The following SRSF11 variants were observed in gnomAD, a reference collection of about 807,000 sequenced individuals.
The protein encoded by SRSF11 is serine and arginine rich splicing factor 11.
Under a neutral mutation model 56.0 loss-of-function variants are expected in SRSF11, and 9 were observed. The ratio of observed to expected loss-of-function variants is 0.16; its 90% confidence interval spans 0.10 to 0.28. SRSF11 has a LOEUF of 0.28. Ranked by LOEUF, SRSF11 falls within the 10% of genes least tolerant of loss-of-function variation. The pLI is 1.00. For missense variants in SRSF11, 421 were observed against 600.7 expected (o/e 0.70, Z 3.13); for synonymous variants, 222 against 215.3 (o/e 1.03, Z -0.27).
chr1:70,236,792 AT>A (rs35602423), intron 5 of SRSF11, among the ~76,000 whole-genome samples: 2,265 of 83,668 alleles, frequency 0.027, 7 homozygotes, highest in African/African-American at 0.039. Flanking sequence ...TATGTCATAA[AT>A]TTTTTTTTTT....
intron 6 of SRSF11, among the ~76,000 whole-genome samples, chr1:70,238,547 T>C (rs1298795335): frequency 1.3e-5 from 2 of 152,248 alleles, no homozygotes; most frequent in South Asian, 4.1e-4. Context: ...GAATTTCTTA[T>C]GTGTAGTTCT....
intron 2 of SRSF11, chr1:70,230,137 A>G: frequency 1.0e-6 from 1 of 984,250 alleles, no homozygotes; most frequent in African/African-American, 1.7e-5. Flanking sequence ...CCTGAACATA[A>G]TACAGTATAT....
chr1:70,234,882 CTA>C, intron 4 of SRSF11, 94 bp downstream of exon 4: 3 of 998,762 alleles, frequency 3.0e-6, no homozygotes, highest in Non-Finnish European at 4.4e-6. Context: ...AAGCTAATGG[CTA>C]TGTTGTAGTA....
chr1:70,232,065 A>G, intron 2 of SRSF11: 2 of 1,531,114 alleles, frequency 1.3e-6, no homozygotes, highest in Non-Finnish European at 8.8e-7. Flanking sequence ...GTAGAGAAAA[A>G]GGAAACAAAT....
chr1:70,209,740 CTTTTTTTTTTTTTTTTTTTTTTT>C lies in SRSF11; in HGVS notation c.-26+3977_-26+3999del, dbSNP rs923729248. On this transcript the variant is annotated intron_variant, in intron 1 of 12. Transcript: ENST00000370950. ...AGCTGGGACTAAAAGCACCTCGCTT[CTTTTTTTTTTTTTTTTTTTTTTT>C]TTTTTTTTTTTTTTTTGTAGAGATG... Among the ~76,000 whole-genome samples, 94 of 27,490 alleles carry C rather than the reference CTTTTTTTTTTTTTTTTTTTTTTT, an allele frequency of 3.4e-3. 1 individual carries two copies. The highest frequency in any genetic ancestry group is 0.011 in the African/African-American group (72 of 6,852). The allele number at this position is 27,490 out of a possible 152,430, so 18.0% of individuals were successfully genotyped here. A position where few individuals can be genotyped will look rare whatever the true frequency, so the allele number is the denominator to read the frequency against.
intron 7 of SRSF11, 104 bp from the exon 8 acceptor site, chr1:70,244,580 A>T: frequency 8.2e-7 from 1 of 1,220,486 alleles, no homozygotes; most frequent in Non-Finnish European, 1.1e-6. Flanking sequence ...TCCCCCATTT[A>T]ATTGTTTAGT....
intron 10 of SRSF11, 126 bp from the exon 11 acceptor site, chr1:70,250,239 C>A (rs1677690817): frequency 6.9e-7 from 1 of 1,455,750 alleles, no homozygotes; most frequent in African/African-American, 1.4e-5. Context: ...AGTTTTGTAG[C>A]CTGTGTTACT....
At chr1:70,236,536 T>A (rs1381043203) in intron 5 of SRSF11, among the ~76,000 whole-genome samples, 2 of 151,970 alleles carry the variant, frequency 1.3e-5, no homozygotes, top group African/African-American at 4.8e-5. Flanking sequence ...TTCACCGTGT[T>A]AGCCAGGATG....
At chr1:70,217,937 T>C (rs1670162578), upstream of SRSF11, among the ~76,000 whole-genome samples, 1 of 152,292 alleles carries the variant, frequency 6.6e-6, no homozygotes, top group Non-Finnish European at 1.5e-5. Context: ...TTTTCTCAAA[T>C]CACATGCTTG....
chr1:70,229,690 C>T (rs1238276523), intron 2 of SRSF11: 8 of 985,078 alleles, frequency 8.1e-6, no homozygotes, highest in Non-Finnish European at 9.6e-6. Context: ...TAGATGCTAT[C>T]TGAAATCTTT....
In SRSF11 at chr1:70,250,024, G is replaced by C; in HGVS notation, c.1095G>C (p.Leu365Phe). Residue 365 changes from leucine (L) to phenylalanine (F), a missense_variant, in exon 10 of 12, where the codon TTG becomes TTC. Leu to Phe is a conservative substitution (Grantham distance 22, BLOSUM62 0). This residue lies in a region of SRSF11 where 253 missense variants were observed against 305.8 expected (regional missense o/e 0.83). Transcript: ENST00000370949. ...AGCCTCGGTCTCCTAAAAGAAAATT[G>C]TCCCGCTCACCATCCCCTAGGAGGT... The part of the protein sequence containing the change: ...PKKPRSPKRK[L>F]SRSPSPRRHK... 1 of 1,613,814 alleles carries C rather than the reference G, an allele frequency of 6.2e-7. No individual in the cohort carries two copies. The highest frequency in any genetic ancestry group is 8.5e-7 in the Non-Finnish European group (1 of 1,179,828).
chr1:70,242,478 T>C (rs547201828), intron 7 of SRSF11, among the ~76,000 whole-genome samples: 1 of 150,996 alleles, frequency 6.6e-6, no homozygotes, highest in Non-Finnish European at 1.5e-5. Context: ...GCACCTTTTT[T>C]TTTTATGTAG....
chr1:70,231,545 CAT>C (rs1672844996), intron 2 of SRSF11: 9 of 1,076,818 alleles, frequency 8.4e-6, no homozygotes, highest in East Asian at 1.5e-4. Flanking sequence ...CATGGCGAAA[CAT>C]AAAGCATTTT....
upstream of SRSF11, among the ~76,000 whole-genome samples, chr1:70,219,153 A>G (rs1220177602): frequency 6.6e-6 from 1 of 152,188 alleles, no homozygotes; most frequent in Non-Finnish European, 1.5e-5. Flanking sequence ...AGATATTCCA[A>G]AATCTTTTTT....
intron 9 of SRSF11, chr1:70,248,292 A>G (rs930282276): frequency 3.9e-5 from 6 of 152,160 alleles, no homozygotes; most frequent in Admixed American, 3.9e-4. Context: ...TGGTATATCT[A>G]TACAATTGAA....
At chr1:70,208,365 G>A (rs1021946140) in intron 1 of SRSF11, among the ~76,000 whole-genome samples, 25 of 151,542 alleles carry the variant, frequency 1.6e-4, no homozygotes, top group African/African-American at 5.1e-4. Flanking sequence ...ATGGAGTCTC[G>A]CACTGTCACC....
chr1:70,207,318 T>A (rs544221304), intron 1 of SRSF11, among the ~76,000 whole-genome samples: 76 of 152,286 alleles, frequency 5.0e-4, no homozygotes, highest in African/African-American at 1.7e-3. Flanking sequence ...GTGCTAATAA[T>A]ACCTCTGTTT....
chr1:70,209,268 A>G (rs1034935765), intron 1 of SRSF11, among the ~76,000 whole-genome samples: 3 of 152,234 alleles, frequency 2.0e-5, no homozygotes, highest in African/African-American at 7.2e-5. Context: ...GAAGTCTGAA[A>G]TTGTAGTAAG....
In SRSF11 at chr1:70,228,603, C is replaced by G. The variant is rs760210019; in HGVS notation, c.337+48C>G. On this transcript the variant is annotated intron_variant, in intron 2 of 11. Coordinates refer to ENST00000370949, the MANE Select transcript of SRSF11 (RefSeq NM_001350605.2). ...TATGTGGGCATCCTAAGATGACCAT[C>G]TACCTCAGTAGATGTAGAGTGAGCA... 7 of 1,589,184 alleles carry G rather than the reference C, an allele frequency of 4.4e-6. No homozygotes were observed. In the South Asian group the frequency reaches 8.1e-5, roughly 18 times the overall value.
Sources: allele counts gnomAD v4.1 joint callset (sites outside exome capture counted in the v4.1 genomes callset), GRCh38; gene constraint gnomAD v4.1.1; regional missense constraint gnomAD v4.1.1; transcripts MANE v1.5; gene names NCBI Gene and HGNC (gene_info 2026-07-23, HGNC 2026-07-21).